WDR37: variants seen among roughly 807,000 people sequenced by gnomAD.
WDR37 encodes WD repeat domain 37, also known as WD repeat-containing protein 37.
WDR37 carries 19 observed loss-of-function variants against 62.9 expected under a neutral mutation model. That is an observed-to-expected ratio of 0.30 (90% CI 0.21 to 0.44). The LOEUF (loss-of-function observed/expected upper bound fraction) is 0.44. Among genes scored for constraint, WDR37 ranks in the 20% least tolerant of loss-of-function variants. The probability of loss-of-function intolerance (pLI) is 1.00; values close to 1 mark genes in which losing one functional copy is unlikely to be tolerated. For synonymous variants in WDR37, 250 were observed against 260.9 expected, an observed-to-expected ratio of 0.96 and a Z score of 0.40; for missense variants, 474 against 657.6, an observed-to-expected ratio of 0.72 and a Z score of 3.05.
At chr10:1,127,163 C>G (rs1412203277) in intron 13 of WDR37, among the ~76,000 whole-genome samples, 2 of 152,182 alleles carry the variant, frequency 1.3e-5, no homozygotes, top group Non-Finnish European at 2.9e-5. Flanking sequence ...TTGTTTATGA[C>G]TGTGAACTAT....
intron 11 of WDR37, among the ~76,000 whole-genome samples, chr10:1,116,358 G>A (rs907527608): frequency 1.3e-5 from 2 of 149,558 alleles, no homozygotes; most frequent in Admixed American, 6.6e-5. Flanking sequence ...CAGTCCTCCC[G>A]TCACCCACCT....
intron 1 of WDR37, among the ~76,000 whole-genome samples, chr10:1,068,773 C>A (rs563347081): frequency 1.3e-5 from 2 of 152,234 alleles, no homozygotes; most frequent in Admixed American, 1.3e-4. Flanking sequence ...TAAAAGTATA[C>A]ACATACAAGA....
intron 5 of WDR37, among the ~76,000 whole-genome samples, chr10:1,082,565 C>A (rs548892518): frequency 6.6e-6 from 1 of 152,186 alleles, no homozygotes. Flanking sequence ...CGTCAGTTTG[C>A]GGCTTTGTTC....
intron 7 of WDR37, among the ~76,000 whole-genome samples, chr10:1,088,377 A>T (rs1834271109): frequency 6.6e-6 from 1 of 152,156 alleles, no homozygotes; most frequent in Non-Finnish European, 1.5e-5. Flanking sequence ...CTAGCTTTTG[A>T]TTTAAAGGGA....
intron 5 of WDR37, among the ~76,000 whole-genome samples, chr10:1,082,101 T>C (rs565873839): frequency 7.9e-5 from 12 of 152,334 alleles, no homozygotes; most frequent in Admixed American, 7.2e-4. Context: ...AAAAAATAAC[T>C]ATGAAAATAT....
At chr10:1,123,051 A>G (rs1835634694) in intron 11 of WDR37, among the ~76,000 whole-genome samples, 1 of 152,144 alleles carries the variant, frequency 6.6e-6, no homozygotes, top group Non-Finnish European at 1.5e-5. Context: ...TTTTTATGGT[A>G]CTTTTCATCT....
intron 1 of WDR37, among the ~76,000 whole-genome samples, chr10:1,063,594 T>G (rs935673311): frequency 2.0e-5 from 3 of 152,212 alleles, no homozygotes; most frequent in Non-Finnish European, 2.9e-5. Flanking sequence ...GTTTTACTTC[T>G]GCTGGGTGGT....
chr10:1,085,265 C>G (rs1834164940), intron 6 of WDR37, among the ~76,000 whole-genome samples: 1 of 152,126 alleles, frequency 6.6e-6, no homozygotes, highest in Non-Finnish European at 1.5e-5. Flanking sequence ...AGCCATCGTG[C>G]CTGGCCCTCT....
At chr10:1,058,317 A>C (rs12268949) in intron 1 of WDR37, among the ~76,000 whole-genome samples, 1 of 152,166 alleles carries the variant, frequency 6.6e-6, no homozygotes, top group Non-Finnish European at 1.5e-5. Context: ...TATGTAATAT[A>C]TGCCAGCCAT....
chr10:1,129,322 C>T lies in WDR37; in HGVS notation c.1463C>T (p.Pro488Leu). Residue 488 changes from proline (P) to leucine (L), a missense_variant, in exon 14 of 14, where the codon CCT becomes CTT. Physicochemically the swap from Pro to Leu is moderately conservative, Grantham distance 98. Coordinates refer to ENST00000263150, the MANE Select transcript of WDR37 (RefSeq NM_014023.4). ...GCCATTGGTTGGAACATCAACATCC[C>T]TGCATTGCTACAAGAAAAATAAGGA... The part of the protein sequence containing the change: ...RQAIGWNINI[P>L]ALLQEK The T allele has an allele frequency of 6.2e-7, 1 of 1,614,074 alleles. No homozygotes were observed. The highest frequency in any genetic ancestry group is 1.1e-5 in the South Asian group (1 of 91,070).
intron 1 of WDR37, among the ~76,000 whole-genome samples, chr10:1,062,130 A>G (rs1833389452): frequency 6.6e-6 from 1 of 152,118 alleles, no homozygotes; most frequent in Non-Finnish European, 1.5e-5. Context: ...TACAGAGATG[A>G]TAAGATTACT....
In WDR37 at chr10:1,132,220, C is replaced by G. The variant is rs1234051195; in HGVS notation, c.*2876C>G. 3 of 152,052 alleles carry G rather than the reference C, an allele frequency of 2.0e-5. No homozygotes were observed. Among genetic ancestry groups the G allele is most frequent in the Admixed American group, 2.0e-4 (3 of 15,250 alleles). The allele number at this position is 152,052 out of a possible 1,614,324, so 9.4% of individuals were successfully genotyped here. On this transcript the variant is annotated 3_prime_UTR_variant, in exon 14 of 14. Transcript: ENST00000263150. ...TATTTTTATAGTTTTTCATGTTTTG[C>G]TTTGGTGAAACATTGTGAATGACTA...
intron 2 of WDR37, among the ~76,000 whole-genome samples, chr10:1,075,026 G>A (rs962997697): frequency 1.3e-5 from 2 of 152,212 alleles, no homozygotes; most frequent in Non-Finnish European, 2.9e-5. Flanking sequence ...GCTGAGTCAC[G>A]GCAGTAGTGT....
At chr10:1,118,351 A>C (rs1423268260) in intron 11 of WDR37, among the ~76,000 whole-genome samples, 2 of 142,024 alleles carry the variant, frequency 1.4e-5, no homozygotes, top group Admixed American at 1.4e-4. Flanking sequence ...GCCCTACTTG[A>C]AGTCCCTGCA....
intron 8 of WDR37, among the ~76,000 whole-genome samples, chr10:1,094,354 G>A (rs1662462698): frequency 6.6e-6 from 1 of 152,244 alleles, no homozygotes; most frequent in African/African-American, 2.4e-5. Flanking sequence ...GAACACTGAG[G>A]TTGAGATGAC....
At chr10:1,072,351 C>G in intron 2 of WDR37, 58 bp downstream of exon 2, 1 of 1,595,534 alleles carries the variant, frequency 6.3e-7, no homozygotes, top group Non-Finnish European at 8.6e-7. Flanking sequence ...CAGAGTTTCG[C>G]TCGTTTCCCC....
intron 9 of WDR37, among the ~76,000 whole-genome samples, chr10:1,100,041 A>C (rs1834740418): frequency 6.6e-6 from 1 of 152,260 alleles, no homozygotes; most frequent in African/African-American, 2.4e-5. Flanking sequence ...TTGTTTTCCA[A>C]ATAAAATAAG....
intron 1 of WDR37, among the ~76,000 whole-genome samples, chr10:1,059,363 C>T (rs983449576): frequency 1.3e-5 from 2 of 152,038 alleles, no homozygotes; most frequent in African/African-American, 2.4e-5. Flanking sequence ...GGAGACAGAG[C>T]GAGATTCTGT....
chr10:1,090,733 C>T (rs964654046), intron 7 of WDR37, among the ~76,000 whole-genome samples: 2 of 152,206 alleles, frequency 1.3e-5, no homozygotes, highest in Non-Finnish European at 2.9e-5. Flanking sequence ...CTTTGTTCTT[C>T]TCTCTTTAGA....
Sources: gnomAD v4.1 joint callset for allele counts (sites outside exome capture counted in the v4.1 genomes callset) on GRCh38, gnomAD v4.1.1 for gene constraint, MANE v1.5 for transcripts, NCBI Gene and HGNC (gene_info 2026-07-23, HGNC 2026-07-21) for gene names.